SRGAP1: variants seen among roughly 807,000 people sequenced by gnomAD.
The protein encoded by SRGAP1 is SLIT-ROBO Rho GTPase-activating protein 1.
Under a neutral mutation model 121.9 loss-of-function variants are expected in SRGAP1, and 43 were observed. The observed-to-expected ratio is 0.35, with a 90% CI of 0.28 to 0.46. The LOEUF is 0.46. Among genes scored for constraint, SRGAP1 ranks in the 20% least tolerant of loss-of-function variants. SRGAP1 has a pLI of 1.00. For missense variants in SRGAP1, 1,102 were observed against 1,350.9 expected, an observed-to-expected ratio of 0.82 and a Z score of 2.89; for synonymous variants, 447 against 485.4, an observed-to-expected ratio of 0.92 and a Z score of 1.04.
intron 8 of SRGAP1, among the ~76,000 whole-genome samples, chr12:64,075,490 A>T (rs2035720252): frequency 6.6e-6 from 1 of 152,202 alleles, no homozygotes; most frequent in South Asian, 2.1e-4. Context: ...GGGCCAGTTT[A>T]TGGCCAGATT....
intron 1 of SRGAP1, among the ~76,000 whole-genome samples, chr12:63,965,609 C>T (rs1309722429): frequency 6.6e-6 from 1 of 152,024 alleles, no homozygotes; most frequent in Non-Finnish European, 1.5e-5. Context: ...AGTTCAAGAC[C>T]TGGCTGGGCA....
chr12:64,142,671 A>G lies in SRGAP1; in HGVS notation c.3257A>G (p.Ter1086=), dbSNP rs779066308. Residue 1086 remains the stop codon, a stop_retained_variant, in exon 22 of 22, where the codon TAA becomes TGA. Transcript: ENST00000355086. ...CCAACAGACAAGTCATGCACAATGT[A>G]AAAACCAGCCAAGCAAGGCCATAAA... The part of the protein sequence containing the change: ...QGPTDKSCTM[*] The G allele has an allele frequency of 1.2e-6, 2 of 1,603,140 alleles. No individual in the cohort carries two copies. Among genetic ancestry groups the G allele is most frequent in the African/African-American group, 2.7e-5 (2 of 74,554 alleles).
chr12:64,149,386 C>T lies in SRGAP1; in HGVS notation c.*6714C>T. On this transcript the variant is annotated 3_prime_UTR_variant, in exon 22 of 22. Transcript: ENST00000355086. ...TCAAGTCATGTTCTCTTACCCGATG[C>T]TGGATGCTTTTTCTTCAATGCCTAC... The T allele has an allele frequency of 6.6e-6, 1 of 152,192 alleles. No individual in the cohort carries two copies. Among genetic ancestry groups the T allele is most frequent in the East Asian group, 1.9e-4 (1 of 5,188 alleles). The allele number at this position is 152,192 out of a possible 1,614,324, so 9.4% of individuals were successfully genotyped here. A position where few individuals can be genotyped will look rare whatever the true frequency, so the allele number is the denominator to read the frequency against.
chr12:64,039,659 G>GTGTGTGTGTGTGTA (rs1491522342), intron 4 of SRGAP1, among the ~76,000 whole-genome samples: 7 of 143,244 alleles, frequency 4.9e-5, no homozygotes, highest in African/African-American at 1.8e-4. Context: ...GTGTGTGTGT[G>GTGTGTGTGTGTGTA]TACACCCTCT....
At chr12:63,956,746 A>G (rs117082138) in intron 1 of SRGAP1, among the ~76,000 whole-genome samples, 3,273 of 114,996 alleles carry the variant, frequency 0.028, 50 homozygotes, top group Non-Finnish European at 0.042. Context: ...TTTTTGCAGC[A>G]GCTTTATTGA....
intron 1 of SRGAP1, among the ~76,000 whole-genome samples, chr12:63,975,517 A>G (rs1488737127): frequency 1.3e-5 from 2 of 152,344 alleles, no homozygotes; most frequent in East Asian, 1.9e-4. Context: ...ATATTTTTAT[A>G]TAATACAATA....
intron 1 of SRGAP1, among the ~76,000 whole-genome samples, chr12:63,889,018 G>A (rs924586824): frequency 1.3e-5 from 2 of 152,198 alleles, no homozygotes; most frequent in Non-Finnish European, 2.9e-5. Flanking sequence ...CCTACCCATA[G>A]CTGCTGCTTT....
At chr12:63,877,836 C>T (rs960338855) in intron 1 of SRGAP1, among the ~76,000 whole-genome samples, 9 of 152,084 alleles carry the variant, frequency 5.9e-5, no homozygotes, top group African/African-American at 1.9e-4. Context: ...GCCCCACCTT[C>T]GTAAGGTTGT....
intron 1 of SRGAP1, among the ~76,000 whole-genome samples, chr12:63,937,180 T>C (rs969382727): frequency 6.6e-6 from 1 of 152,116 alleles, no homozygotes; most frequent in African/African-American, 2.4e-5. Flanking sequence ...TCATGATAAC[T>C]GCATCAAAAA....
intron 7 of SRGAP1, 92 bp from the exon 8 acceptor site, chr12:64,065,026 G>C: frequency 2.4e-6 from 2 of 828,160 alleles, no homozygotes; most frequent in Non-Finnish European, 3.8e-6. Flanking sequence ...GAGAGGATTG[G>C]TGTGATTCAT....
At chr12:63,887,301 C>T (rs1361746683) in intron 1 of SRGAP1, 4 of 152,272 alleles carry the variant, frequency 2.6e-5, no homozygotes, top group Non-Finnish European at 5.9e-5. Context: ...AGCACAGGAG[C>T]CCCTTGATGG....
intron 4 of SRGAP1, among the ~76,000 whole-genome samples, chr12:64,034,933 A>G (rs1465658763): frequency 2.0e-5 from 3 of 152,114 alleles, no homozygotes; most frequent in Non-Finnish European, 4.4e-5. Flanking sequence ...GAAGAGCCAC[A>G]TTGGCCCAGG....
intron 3 of SRGAP1, among the ~76,000 whole-genome samples, chr12:64,011,641 G>T (rs896977815): frequency 6.6e-6 from 1 of 152,122 alleles, no homozygotes; most frequent in Non-Finnish European, 1.5e-5. Context: ...GTAGAAAATA[G>T]TGGAAACATT....
chr12:63,917,625 G>T (rs928646147), intron 1 of SRGAP1, among the ~76,000 whole-genome samples: 1 of 150,760 alleles, frequency 6.6e-6, no homozygotes, highest in Admixed American at 6.6e-5. Flanking sequence ...CTTGCTTTCT[G>T]TTTTGTTTTA....
chr12:63,956,112 G>GTGCAT (rs1342360519), intron 1 of SRGAP1, among the ~76,000 whole-genome samples: 7 of 152,132 alleles, frequency 4.6e-5, no homozygotes, highest in African/African-American at 1.7e-4. Context: ...CCAGGCTGGA[G>GTGCAT]TGCATTGGCG....
chr12:63,844,937 C>G lies in SRGAP1; in HGVS notation c.67+54C>G. 1.9e-6 allele frequency: 3 copies of G among 1,545,018 alleles called. No individual in the cohort carries two copies. The highest frequency in any genetic ancestry group is 2.7e-6 in the Non-Finnish European group (3 of 1,117,002). On this transcript the variant is annotated intron_variant, in intron 1 of 21. Transcript: ENST00000355086. The surrounding 1 kb of genome is among the most constrained non-coding windows in gnomAD (Gnocchi z 4.3). ...TTTTGTGTGCCTTCTTGTCATTGTGCTCGTGGAGTTGCGTATCTAACTTGG... is the reference window on the plus strand; with the variant it reads ...TTTTGTGTGCCTTCTTGTCATTGTGGTCGTGGAGTTGCGTATCTAACTTGG...
At chr12:64,005,759 AC>A (rs2034060626) in intron 3 of SRGAP1, among the ~76,000 whole-genome samples, 1 of 152,182 alleles carries the variant, frequency 6.6e-6, no homozygotes, top group African/African-American at 2.4e-5. Context: ...TAATCACTCT[AC>A]CGAAGAAGTC....
At chr12:64,084,364 G>A (rs200657885) in intron 10 of SRGAP1, among the ~76,000 whole-genome samples, 2 of 61,170 alleles carry the variant, frequency 3.3e-5, no homozygotes, top group Admixed American at 1.8e-4. Flanking sequence ...GGAGTGGTCC[G>A]TTGTTTTTAA....
chr12:63,954,308 T>C (rs74097504), intron 1 of SRGAP1, among the ~76,000 whole-genome samples: 7,149 of 152,306 alleles, frequency 0.047, 543 homozygotes, highest in African/African-American at 0.16. Context: ...TGAAAAACTT[T>C]TCTTGCCCTA....
Sources: gnomAD v4.1 joint callset for allele counts (sites outside exome capture counted in the v4.1 genomes callset) on GRCh38, gnomAD v4.1.1 for gene constraint, Gnocchi (gnomAD v3.1) non-coding constraint, MANE v1.5 for transcripts, NCBI Gene and HGNC (gene_info 2026-07-23, HGNC 2026-07-21) for gene names.